The following SLC25A21 variants were observed in gnomAD, a reference collection of about 807,000 sequenced individuals.
The protein encoded by SLC25A21 is mitochondrial 2-oxodicarboxylate carrier.
In SLC25A21, 47 loss-of-function variants were observed where a neutral mutation model predicts 43.8. That is an observed-to-expected ratio of 1.07 (90% CI 0.85 to 1.37). The LOEUF (loss-of-function observed/expected upper bound fraction) is 1.37, where lower values mean the gene tolerates loss of function less well. SLC25A21 is among the 40% of genes most tolerant of loss of function. SLC25A21 has a pLI of 0.00. For synonymous variants in SLC25A21, 131 were observed against 121.3 expected (o/e 1.08, Z -0.52); for missense variants, 352 against 350.2 (o/e 1.00, Z -0.04).
intron 1 of SLC25A21, among the ~76,000 whole-genome samples, chr14:37,076,960 T>A (rs1237093740): frequency 6.6e-6 from 1 of 152,184 alleles, no homozygotes; most frequent in African/African-American, 2.4e-5. Context: ...CCATAAAATA[T>A]AAAATTAACG....
At position 36,678,032 on chromosome 14, in the gene SLC25A21, T is replaced by C. The variant is rs1024988734; in HGVS notation, c.*2626A>G. The C allele has an allele frequency of 6.4e-6, 1 of 155,056 alleles. No homozygotes were observed. Among genetic ancestry groups the C allele is most frequent in the African/African-American group, 2.4e-5 (1 of 41,598 alleles). The allele number at this position is 155,056 out of a possible 1,614,324, so 9.6% of individuals were successfully genotyped here. A position where few individuals can be genotyped will look rare whatever the true frequency, so the allele number is the denominator to read the frequency against. ...TACAATTCAGCTGTTGGAAAATTAA[T>C]ATATTGAGGGTTTTTTGGTACTAAT... On this transcript the variant is annotated 3_prime_UTR_variant, in exon 10 of 10. Coordinates refer to ENST00000331299, the MANE Select transcript of SLC25A21 (RefSeq NM_030631.4).
At chr14:37,161,678 C>G (rs774525662) in intron 1 of SLC25A21, among the ~76,000 whole-genome samples, 4 of 151,932 alleles carry the variant, frequency 2.6e-5, no homozygotes, top group African/African-American at 9.7e-5. Flanking sequence ...AGGGAGAGAA[C>G]GGCCAGGCAC....
At chr14:36,903,437 C>T (rs1039762911) in intron 1 of SLC25A21, among the ~76,000 whole-genome samples, 1 of 151,588 alleles carries the variant, frequency 6.6e-6, no homozygotes, top group African/African-American at 2.4e-5. Flanking sequence ...CATGGTGAAA[C>T]CCCGTCTCTA....
At chr14:36,984,919 A>G (rs1269875823) in intron 1 of SLC25A21, among the ~76,000 whole-genome samples, 1 of 151,476 alleles carries the variant, frequency 6.6e-6, no homozygotes, top group Non-Finnish European at 1.5e-5. Context: ...AAGACTTGGA[A>G]CCAACCCAAA....
At chr14:36,856,660 G>T (rs1242895484) in intron 2 of SLC25A21, among the ~76,000 whole-genome samples, 1 of 152,230 alleles carries the variant, frequency 6.6e-6, no homozygotes, top group Non-Finnish European at 1.5e-5. Flanking sequence ...ATGTGTGGAA[G>T]CTCCACCCGC....
At chr14:36,840,071 T>C (rs1184072574) in intron 2 of SLC25A21, among the ~76,000 whole-genome samples, 2 of 152,132 alleles carry the variant, frequency 1.3e-5, no homozygotes, top group African/African-American at 4.8e-5. Context: ...CCCTACATTC[T>C]CCCACAGCAG....
At chr14:36,680,808 ACAGCCTGT>A in intron 9 of SLC25A21, 89 bp from the exon 10 acceptor site, 1 of 1,190,654 alleles carries the variant, frequency 8.4e-7, no homozygotes, top group Non-Finnish European at 1.2e-6. Flanking sequence ...GATGTCTCGC[ACAGCCTGT>A]CAGGCAGAGG....
chr14:36,800,068 C>CT lies in SLC25A21; in HGVS notation c.203+13849dup, dbSNP rs549543769. On this transcript the variant is annotated intron_variant, in intron 3 of 9. Transcript: ENST00000331299. ...CATTTTCAGGATTTCCATTTGAATT[C>CT]TTTTTTTTAAATTTTGTTTTTGCAG... 2.2e-3 allele frequency among the ~76,000 whole-genome samples: 342 copies of CT among 152,026 alleles called. 3 individuals are homozygous for CT. Among genetic ancestry groups the CT allele is most frequent in the Non-Finnish European group, 3.1e-4 (21 of 67,942 alleles).
chr14:36,993,930 T>C (rs1960317477), intron 1 of SLC25A21, among the ~76,000 whole-genome samples: 1 of 152,154 alleles, frequency 6.6e-6, no homozygotes, highest in African/African-American at 2.4e-5. Flanking sequence ...AAGGAAAACA[T>C]TCCCTTTACT....
rs536761349 is a variant in SLC25A21 at position 36,976,611 on chromosome 14, C to T, written c.71-101607G>A. 5.3e-5 allele frequency among the ~76,000 whole-genome samples: 8 copies of T among 152,222 alleles called. No individual in the cohort carries two copies. In the East Asian group the frequency reaches 1.4e-3, roughly 26 times the overall value. On this transcript the variant is annotated intron_variant, in intron 1 of 9. Transcript: ENST00000331299. ...GTCAGGACATGGTGAGAGGATTTGCCTCTCACCTCTCTTAGTACCAGGAGC... is the reference window on the plus strand; with the variant it reads ...GTCAGGACATGGTGAGAGGATTTGCTTCTCACCTCTCTTAGTACCAGGAGC...
At chr14:36,937,882 T>C (rs966961505) in intron 1 of SLC25A21, among the ~76,000 whole-genome samples, 7 of 152,172 alleles carry the variant, frequency 4.6e-5, no homozygotes, top group African/African-American at 2.4e-5. Context: ...TCAGTCTGTA[T>C]TGGAAAGCTG....
chr14:36,789,754 TTA>T (rs1555328316), intron 3 of SLC25A21, among the ~76,000 whole-genome samples: 1 of 129,054 alleles, frequency 7.7e-6, no homozygotes, highest in East Asian at 2.1e-4. Context: ...ATAATACATT[TTA>T]TATATTTATA....
intron 1 of SLC25A21, among the ~76,000 whole-genome samples, chr14:37,049,112 C>CA (rs1048556515): frequency 1.2e-3 from 178 of 152,220 alleles, no homozygotes; most frequent in African/African-American, 4.2e-3. Context: ...ATGAAGCAGC[C>CA]AGAGTTAAGA....
intron 1 of SLC25A21, among the ~76,000 whole-genome samples, chr14:37,042,755 G>A (rs781656775): frequency 1.1e-4 from 16 of 152,150 alleles, no homozygotes; most frequent in Admixed American, 2.0e-4. Context: ...GGGCATGTGT[G>A]AATTTTTAAA....
chr14:36,907,042 G>C (rs1216063922), intron 1 of SLC25A21, among the ~76,000 whole-genome samples: 1 of 152,096 alleles, frequency 6.6e-6, no homozygotes, highest in African/African-American at 2.4e-5. Flanking sequence ...TCATAGCATT[G>C]TGTAAGAAAA....
chr14:36,802,005 A>G (rs1230076462), intron 3 of SLC25A21, among the ~76,000 whole-genome samples: 2 of 152,188 alleles, frequency 1.3e-5, no homozygotes, highest in Non-Finnish European at 2.9e-5. Context: ...TAAAAACTAC[A>G]TGCCAAAATT....
chr14:37,158,508 A>C (rs969633773), intron 1 of SLC25A21, among the ~76,000 whole-genome samples: 2 of 152,196 alleles, frequency 1.3e-5, no homozygotes, highest in Admixed American at 6.5e-5. Flanking sequence ...AGATGCAGAA[A>C]GAGCATTTTA....
At chr14:36,793,197 C>T (rs1239880360) in intron 3 of SLC25A21, among the ~76,000 whole-genome samples, 1 of 152,100 alleles carries the variant, frequency 6.6e-6, no homozygotes, top group Non-Finnish European at 1.5e-5. Context: ...ATCTGATCAT[C>T]TCTGTATACC....
At chr14:36,758,270 T>A (rs887207239) in intron 3 of SLC25A21, among the ~76,000 whole-genome samples, 1 of 152,118 alleles carries the variant, frequency 6.6e-6, no homozygotes, top group Non-Finnish European at 1.5e-5. Context: ...ATCTCCTGCA[T>A]GAGTTTTCAT....
Sources: gnomAD v4.1 joint callset for allele counts (sites outside exome capture counted in the v4.1 genomes callset) on GRCh38, gnomAD v4.1.1 for gene constraint, MANE v1.5 for transcripts, NCBI Gene and HGNC (gene_info 2026-07-23, HGNC 2026-07-21) for gene names.